SUGCT: variants seen among roughly 807,000 people sequenced by gnomAD.
The protein encoded by SUGCT is succinyl-CoA:glutarate CoA-transferase.
Under a neutral mutation model 55.0 loss-of-function variants are expected in SUGCT, and 41 were observed. The ratio of observed to expected loss-of-function variants is 0.74; its 90% CI spans 0.58 to 0.97. SUGCT has a LOEUF of 0.97. SUGCT is among the 50% of genes least tolerant of loss of function. The pLI, the probability that SUGCT is intolerant of heterozygous loss-of-function variation, is 0.00. For missense variants in SUGCT, 568 were observed against 547.8 expected (o/e 1.04, Z -0.37); for synonymous variants, 187 against 200.4 (o/e 0.93, Z 0.56).
At chr7:40,617,676 A>G (rs1022745012) in intron 12 of SUGCT, among the ~76,000 whole-genome samples, 1 of 152,230 alleles carries the variant, frequency 6.6e-6, no homozygotes, top group Non-Finnish European at 1.5e-5. Flanking sequence ...TAGAAATTCC[A>G]TAACTTTCAG....
At chr7:40,953,422 T>A in the SUGCT span, among the ~76,000 whole-genome samples, 1 of 152,206 alleles carries the variant, frequency 6.6e-6, no homozygotes, top group Non-Finnish European at 1.5e-5. Context: ...TTGGAGACGT[T>A]TGATTGTCTG....
At chr7:40,893,163 G>T in the SUGCT span, among the ~76,000 whole-genome samples, 1 of 151,940 alleles carries the variant, frequency 6.6e-6, no homozygotes, top group African/African-American at 2.4e-5. Flanking sequence ...CAACATCAGG[G>T]TCCCTAAATA....
intron 12 of SUGCT, among the ~76,000 whole-genome samples, chr7:40,667,943 A>C (rs947582823): frequency 6.6e-5 from 10 of 152,094 alleles, no homozygotes; most frequent in Non-Finnish European, 1.3e-4. Flanking sequence ...TTTTTTCAGA[A>C]AGCAACTGAG....
chr7:40,797,700 C>G lies in SUGCT; in HGVS notation c.1153+48203C>G, dbSNP rs192458212. ...ATTGTTATCAAACTTACAGGGTCAC[C>G]TGATGAAAAGCATGAACCCCCCCCA... On this transcript the variant is annotated intron_variant, in intron 13 of 13. Coordinates refer to ENST00000335693, the MANE Select transcript of SUGCT (RefSeq NM_001193313.2). Among the ~76,000 whole-genome samples, 278 of 152,338 alleles carry G rather than the reference C, an allele frequency of 1.8e-3. 1 individual carries two copies. The highest frequency in any genetic ancestry group is 6.4e-3 in the African/African-American group (268 of 41,586).
At chr7:40,327,287 C>T (rs914087433) in intron 9 of SUGCT, among the ~76,000 whole-genome samples, 39 of 152,120 alleles carry the variant, frequency 2.6e-4, no homozygotes, top group African/African-American at 9.4e-4. Context: ...AAATTTGGAA[C>T]CAGTTGGCCA....
chr7:40,623,747 CAT>C (rs1005808324), intron 12 of SUGCT, among the ~76,000 whole-genome samples: 3 of 152,262 alleles, frequency 2.0e-5, no homozygotes, highest in African/African-American at 7.2e-5. Flanking sequence ...CACACACACA[CAT>C]TCCAGTGTGT....
chr7:40,320,681 C>T (rs1795678615), intron 9 of SUGCT, among the ~76,000 whole-genome samples: 2 of 152,162 alleles, frequency 1.3e-5, no homozygotes, highest in Non-Finnish European at 2.9e-5. Context: ...TTGTTTGTGA[C>T]CCACACTGAC....
At chr7:41,034,062 T>C in the SUGCT span, among the ~76,000 whole-genome samples, 404 of 152,352 alleles carry the variant, frequency 2.7e-3, 1 homozygote, top group African/African-American at 9.3e-3. Context: ...AGGGTATTAG[T>C]ATCAAACTGT....
In SUGCT at chr7:40,639,219, C is replaced by T. The variant is rs116339156; in HGVS notation, c.1090-110215C>T. 2.8e-3 allele frequency among the ~76,000 whole-genome samples: 433 copies of T among 152,238 alleles called. 3 individuals are homozygous for T. Among genetic ancestry groups the T allele is most frequent in the African/African-American group, 9.8e-3 (406 of 41,522 alleles). On this transcript the variant is annotated intron_variant, in intron 12 of 13. Transcript: ENST00000335693. ...TAGTACTCCTTGTAGGTCTGTCTCC[C>T]GGGCTAGATCGTAAACTGTGATGGC...
chr7:40,421,933 T>C (rs1787330459), intron 9 of SUGCT, among the ~76,000 whole-genome samples: 1 of 152,112 alleles, frequency 6.6e-6, no homozygotes, highest in Non-Finnish European at 1.5e-5. Context: ...CCATTTACCT[T>C]GCCCCAACTC....
chr7:40,722,721 CCTAT>C (rs1786409041), intron 12 of SUGCT, among the ~76,000 whole-genome samples: 1 of 152,034 alleles, frequency 6.6e-6, no homozygotes, highest in African/African-American at 2.4e-5. Flanking sequence ...ATGTTCAATA[CCTAT>C]CTGTTTCTTC....
chr7:40,333,927 AGTGG>A (rs1796512115), intron 9 of SUGCT, among the ~76,000 whole-genome samples: 1 of 151,504 alleles, frequency 6.6e-6, no homozygotes, highest in Non-Finnish European at 1.5e-5. Flanking sequence ...GACAGGCCTC[AGTGG>A]GTGATAGTCC....
At chr7:40,405,809 A>G (rs1434509003) in intron 9 of SUGCT, among the ~76,000 whole-genome samples, 1 of 2,280 alleles carries the variant, frequency 4.4e-4, no homozygotes, top group African/African-American at 4.8e-4. Context: ...GACTCTGTCT[A>G]AAAAAAAAAA....
chr7:40,168,806 C>T (rs537520030), intron 1 of SUGCT, among the ~76,000 whole-genome samples: 6 of 151,700 alleles, frequency 4.0e-5, no homozygotes, highest in South Asian at 2.1e-4. Flanking sequence ...TTTCTTCTGC[C>T]GAGTACTGGG....
chr7:40,968,706 T>A, the SUGCT span, among the ~76,000 whole-genome samples: 7 of 152,116 alleles, frequency 4.6e-5, no homozygotes, highest in Admixed American at 4.6e-4. Context: ...GATACGGGGC[T>A]TAATGTTCAC....
At chr7:41,009,219 A>AAAAAAAAAAAAAAC in the SUGCT span, among the ~76,000 whole-genome samples, 1 of 151,852 alleles carries the variant, frequency 6.6e-6, no homozygotes, top group Non-Finnish European at 1.5e-5. Flanking sequence ...AAAAAAAAAA[A>AAAAAAAAAAAAAAC]AAAAAAAGCA....
chr7:40,411,372 G>A (rs913881827), intron 9 of SUGCT, among the ~76,000 whole-genome samples: 2 of 152,166 alleles, frequency 1.3e-5, no homozygotes, highest in Admixed American at 6.5e-5. Flanking sequence ...CAGCTTGGGC[G>A]ATAGAGTGAG....
intron 12 of SUGCT, among the ~76,000 whole-genome samples, chr7:40,563,177 G>C (rs1350665385): frequency 6.6e-6 from 1 of 152,120 alleles, no homozygotes; most frequent in Non-Finnish European, 1.5e-5. Flanking sequence ...GAGCTTGTTG[G>C]AGACTCCCCT....
chr7:40,624,772 A>ACAC (rs1799437996), intron 12 of SUGCT, among the ~76,000 whole-genome samples: 1 of 137,314 alleles, frequency 7.3e-6, no homozygotes, highest in Non-Finnish European at 1.6e-5. Flanking sequence ...TTTCTGTGCA[A>ACAC]ACACACACAC....
Sources: gnomAD v4.1 joint callset for allele counts (sites outside exome capture counted in the v4.1 genomes callset) on GRCh38, gnomAD v4.1.1 for gene constraint, MANE v1.5 for transcripts, NCBI Gene and HGNC (gene_info 2026-07-23, HGNC 2026-07-21) for gene names.